Variants in ABR observed in about 807,000 individuals in gnomAD.
The protein encoded by ABR is ABR activator of RhoGEF and GTPase, also known as active breakpoint cluster region-related protein.
Under a neutral mutation model 107.2 loss-of-function variants are expected in ABR, and 35 were observed. The ratio of observed to expected loss-of-function variants is 0.33; its 90% CI spans 0.25 to 0.43. The LOEUF is 0.43. Among genes scored for constraint, ABR ranks in the 20% least tolerant of loss-of-function variants. The probability of loss-of-function intolerance (pLI) is 1.00; values close to 1 mark genes in which losing one functional copy is unlikely to be tolerated. For synonymous variants in ABR, 498 were observed against 462.0 expected (o/e 1.08, Z -1.00); for missense variants, 815 against 1,115.2 (o/e 0.73, Z 3.83).
intron 5 of ABR, 146 bp downstream of exon 5, chr17:1,083,374 G>C (rs2036390362): frequency 2.3e-6 from 1 of 435,828 alleles, no homozygotes; most frequent in Non-Finnish European, 4.2e-6. Context: ...GAAAATGTCA[G>C]GTGCAAGAAA....
At chr17:1,201,291 G>A (rs765693316) in intron 1 of ABR, among the ~76,000 whole-genome samples, 9 of 152,138 alleles carry the variant, frequency 5.9e-5, no homozygotes, top group East Asian at 1.9e-4. Context: ...CTGGTGTCAC[G>A]ACGTATTGAA....
intron 1 of ABR, among the ~76,000 whole-genome samples, chr17:1,149,291 C>T (rs2040697800): frequency 1.3e-5 from 2 of 151,920 alleles, no homozygotes; most frequent in African/African-American, 4.8e-5. Context: ...GGACAGAGAC[C>T]CCCCCATGGG....
chr17:1,060,148 C>T (rs1348592493), intron 10 of ABR, among the ~76,000 whole-genome samples: 5 of 152,212 alleles, frequency 3.3e-5, no homozygotes, highest in East Asian at 3.9e-4. Flanking sequence ...CGGTGGCTCA[C>T]GCCTGTAATC....
At chr17:1,022,346 G>C (rs1214577263) in intron 16 of ABR, 1 of 152,332 alleles carries the variant, frequency 6.6e-6, no homozygotes, top group African/African-American at 2.4e-5. Context: ...CCTCCCCCAA[G>C]GGCAGCCCCA....
chr17:1,223,341 C>A (rs936611182), intron 1 of ABR, among the ~76,000 whole-genome samples: 3 of 94,424 alleles, frequency 3.2e-5, no homozygotes, highest in Non-Finnish European at 7.7e-5. Flanking sequence ...ACACGAATAC[C>A]CTCCATCGTC....
Position 1,154,566 on chromosome 17 carries a change from C to G in ABR, c.61+25101G>C, listed in dbSNP as rs2040962842. 2 of 152,238 alleles carry G rather than the reference C, an allele frequency of 1.3e-5. No homozygotes were observed. The highest frequency in any genetic ancestry group is 6.5e-5 in the Admixed American group (1 of 15,284). The allele number at this position is 152,238 out of a possible 1,614,324, so 9.4% of individuals were successfully genotyped here. On this transcript the variant is annotated intron_variant, in intron 1 of 22. Transcript: ENST00000302538. The surrounding 1 kb of genome is among the most constrained non-coding windows in gnomAD (Gnocchi z 4.0). The stretch of plus-strand genomic sequence containing the variant: ...TTACCTCCTCTGCACGGAAGGCACA[C>G]TAGCTGAGAGCCCGTTCAAGCATCC...
At chr17:1,012,187 C>T (rs564599373) in intron 18 of ABR, 80 of 801,072 alleles carry the variant, frequency 1.0e-4, no homozygotes, top group Middle Eastern at 2.2e-4. Flanking sequence ...GGGGCATCGA[C>T]GGACGTGGGC....
At chr17:1,077,923 C>A (rs1004005355) in intron 6 of ABR, among the ~76,000 whole-genome samples, 1 of 152,172 alleles carries the variant, frequency 6.6e-6, no homozygotes, top group African/African-American at 2.4e-5. Context: ...CCCCTTGGCA[C>A]GTCTTGCCTC....
intron 3 of ABR, among the ~76,000 whole-genome samples, chr17:1,100,238 A>T (rs2151335935): frequency 1.3e-5 from 2 of 152,012 alleles, no homozygotes; most frequent in Middle Eastern, 6.8e-3. Flanking sequence ...AAGGACTTGG[A>T]CACAAGACGG....
intron 1 of ABR, among the ~76,000 whole-genome samples, chr17:1,208,052 G>T (rs567074607): frequency 1.9e-4 from 29 of 152,190 alleles, no homozygotes; most frequent in African/African-American, 6.7e-4. Context: ...ATTACAGGCC[G>T]GAGCCACCGC....
upstream of ABR, among the ~76,000 whole-genome samples, chr17:1,188,892 C>T (rs374414073): frequency 2.6e-3 from 392 of 152,340 alleles, 4 homozygotes; most frequent in South Asian, 0.027. Flanking sequence ...AAGCCAGGCA[C>T]ACACACCCCT....
At position 1,007,182 on chromosome 17, in the gene ABR, G is replaced by A. The variant is rs1247135407; in HGVS notation, c.2473C>T (p.His825Tyr). 3 of 1,613,794 alleles carry A rather than the reference G, an allele frequency of 1.9e-6. No homozygotes were observed. In the Admixed American group the frequency reaches 5.0e-5, roughly 27 times the overall value. Residue 825 changes from histidine (H) to tyrosine (Y), a missense_variant, in exon 22 of 23, where the codon CAT becomes TAT. By Grantham distance (83) the His-to-Tyr change is moderately conservative (BLOSUM62 2). Transcript: ENST00000302538. Reference sequence around the variant, plus strand: ...CAGGGTACCTGCGCCATGACGTCATGGGACCAGATGTCCGCAGCCGAGGTG... The same window carrying A: ...CAGGGTACCTGCGCCATGACGTCATAGGACCAGATGTCCGCAGCCGAGGTG... ...HLTSAADIWS[H>Y]DVMAQVQVLL... is the part of the protein sequence containing the mutation.
chr17:1,099,568 A>G (rs1469458344), intron 3 of ABR, among the ~76,000 whole-genome samples: 1 of 152,092 alleles, frequency 6.6e-6, no homozygotes. Flanking sequence ...TCTGACAATT[A>G]CCTTATGTCT....
intron 1 of ABR, among the ~76,000 whole-genome samples, chr17:1,130,437 G>A (rs560220713): frequency 3.3e-5 from 5 of 151,010 alleles, no homozygotes; most frequent in Admixed American, 2.0e-4. Context: ...CACAGCAGCC[G>A]GGTCACAAAT....
chr17:1,100,937 C>A, intron 2 of ABR: 1 of 588,354 alleles, frequency 1.7e-6, no homozygotes, highest in Non-Finnish European at 3.0e-6. Flanking sequence ...GATTCCCCTG[C>A]CTCAGCCTCC....
At chr17:1,074,433 C>T (rs1046049195) in intron 6 of ABR, among the ~76,000 whole-genome samples, 3 of 151,346 alleles carry the variant, frequency 2.0e-5, no homozygotes, top group Non-Finnish European at 4.4e-5. Context: ...CAGCTCCACC[C>T]AGCCATGCCC....
intron 3 of ABR, among the ~76,000 whole-genome samples, chr17:1,095,324 C>T (rs932364927): frequency 4.6e-5 from 7 of 152,196 alleles, no homozygotes; most frequent in Non-Finnish European, 8.8e-5. Flanking sequence ...ACGGGGCCTG[C>T]GCTTGGGGCA....
rs1237752971 is a variant in ABR, at chr17:1,050,264, AAGG to A, written c.1660-86_1660-84del. 13 of 1,523,818 alleles carry A rather than the reference AAGG, an allele frequency of 8.5e-6. No homozygotes were observed. The East Asian group carries it at 2.0e-4, about 24-fold the overall frequency. 94.4% of individuals were successfully genotyped at this position (1,523,818 alleles called of 1,614,324 possible). Reference sequence around the variant, plus strand: ...CGGCAGGTGCGTGCCTCAGCTTTGCAAGGAGGAGGGAGTAAGCACGGCCCACGA... The same window carrying A: ...CGGCAGGTGCGTGCCTCAGCTTTGCAAGGAGGGAGTAAGCACGGCCCACGA... On this transcript the variant is annotated intron_variant, in intron 15 of 22. Transcript: ENST00000302538. The surrounding 1 kb of genome is among the most constrained non-coding windows in gnomAD (Gnocchi z 4.6).
At chr17:1,175,983 C>T (rs1042827449) in intron 1 of ABR, among the ~76,000 whole-genome samples, 24 of 151,960 alleles carry the variant, frequency 1.6e-4, no homozygotes, top group Non-Finnish European at 2.2e-4. Context: ...CCCAGCTACT[C>T]GGGAGGCTGA....
Sources: gnomAD v4.1 joint callset for allele counts (sites outside exome capture counted in the v4.1 genomes callset) on GRCh38, gnomAD v4.1.1 for gene constraint, Gnocchi (gnomAD v3.1) non-coding constraint, MANE v1.5 for transcripts, NCBI Gene and HGNC (gene_info 2026-07-23, HGNC 2026-07-21) for gene names.